TOP3A: variants seen among roughly 807,000 people sequenced by gnomAD.
TOP3A encodes the protein DNA topoisomerase III alpha.
TOP3A carries 64 observed loss-of-function variants against 111.3 expected under a neutral mutation model. That is an observed-to-expected ratio of 0.57 (90% CI 0.47 to 0.71). The LOEUF is 0.71. TOP3A is among the 30% of genes least tolerant of loss of function. TOP3A has a pLI of 0.00. For synonymous variants in TOP3A, 484 were observed against 485.1 expected (o/e 1.00, Z 0.03); for missense variants, 1,104 against 1,285.0 (o/e 0.86, Z 2.15).
At chr17:18,277,465 C>T (rs1238005587) in intron 18 of TOP3A, among the ~76,000 whole-genome samples, 1 of 152,238 alleles carries the variant, frequency 6.6e-6, no homozygotes, top group East Asian at 1.9e-4. Context: ...GACACCATTA[C>T]TGGTAGCTAC....
At chr17:18,275,487 G>A (rs1357647056) in intron 18 of TOP3A, among the ~76,000 whole-genome samples, 7 of 151,230 alleles carry the variant, frequency 4.6e-5, no homozygotes, top group Admixed American at 2.6e-4. Flanking sequence ...AGCCTCCCGA[G>A]TAGCTGGGAC....
intron 11 of TOP3A, 134 bp downstream of exon 11, chr17:18,292,511 G>T: frequency 1.1e-6 from 1 of 874,252 alleles, no homozygotes; most frequent in Non-Finnish European, 1.7e-6. Flanking sequence ...GCCAGGCAGA[G>T]GATTGTGAAA....
At chr17:18,288,149 A>ATATATATATATATATATAT (rs1301508954) in intron 13 of TOP3A, among the ~76,000 whole-genome samples, 19 of 121,876 alleles carry the variant, frequency 1.6e-4, no homozygotes, top group African/African-American at 4.0e-4. Context: ...ATATATATAT[A>ATATATATATATATATATAT]AATTTTTTTT....
At chr17:18,275,752 C>T (rs1293540585) in intron 18 of TOP3A, among the ~76,000 whole-genome samples, 1 of 151,282 alleles carries the variant, frequency 6.6e-6, no homozygotes, top group East Asian at 2.0e-4. Flanking sequence ...CTCCCGGGTT[C>T]ACGCCATTGT....
chr17:18,301,026 A>T (rs1981194494), intron 8 of TOP3A, among the ~76,000 whole-genome samples: 1 of 152,258 alleles, frequency 6.6e-6, no homozygotes, highest in African/African-American at 2.4e-5. Flanking sequence ...AAAACAACAC[A>T]TAACGAAGTG....
rs897556022 is a variant in TOP3A at position 18,301,951 on chromosome 17, G to T, written c.849C>A (p.Phe283Leu). 3.1e-6 allele frequency: 5 copies of T among 1,614,030 alleles called. No individual in the cohort carries two copies. The highest frequency in any genetic ancestry group is 4.2e-6 in the Non-Finnish European group (5 of 1,180,012). The change falls in exon 8 of 19, where the codon TTC becomes TTA. Residue 283 changes from phenylalanine (F) to leucine (L), a missense_variant. Physicochemically the swap from Phe to Leu is conservative, Grantham distance 22. Coordinates refer to ENST00000321105, the MANE Select transcript of TOP3A (RefSeq NM_004618.5). The part of the protein sequence containing the change: ...THDHKDGIVE[F>L]NWKRHRLFNH... ...TAAAGAGTCGATGCCTTTTCCAGTT[G>T]AATTCTACGATACCATCTTTGTGGT... is the stretch of plus-strand genomic sequence containing the variant.
rs1169252403 is a variant in TOP3A at position 18,305,235 on chromosome 17, G to GAT, written c.391-16_391-15insAT. ...TCCAAAGTTTTCTTAAGTTCGCAGT[G>GAT]GAATAAGAGTGGTGAGAACAGAATT... is the stretch of plus-strand genomic sequence containing the variant. On this transcript the variant is annotated splice_polypyrimidine_tract_variant and intron_variant, in intron 4 of 18. Transcript: ENST00000321105. 6.3e-7 allele frequency: 1 copy of GAT among 1,599,490 alleles called. No homozygotes were observed. The highest frequency in any genetic ancestry group is 1.1e-5 in the South Asian group (1 of 90,792).
intron 2 of TOP3A, 24 bp downstream of exon 2, chr17:18,308,858 T>C: frequency 6.8e-7 from 1 of 1,472,590 alleles, no homozygotes. Flanking sequence ...GATTGAAATA[T>C]TTTAGAAATA....
chr17:18,314,874 G>C lies in TOP3A; in HGVS notation c.-96C>G. On this transcript the variant is annotated 5_prime_UTR_variant, in exon 1 of 19. Transcript: ENST00000321105. ...AATGGCGCCCACCGAAAGGGAACCA[G>C]AGCCTCGCTTCGGTCACGTCCCCAC... The C allele has an allele frequency of 1.3e-6, 1 of 792,538 alleles. No homozygotes were observed. Among genetic ancestry groups the C allele is most frequent in the Non-Finnish European group, 1.8e-6 (1 of 548,420 alleles). The allele number at this position is 792,538 out of a possible 1,614,324, so 49.1% of individuals were successfully genotyped here. A position where few individuals can be genotyped will look rare whatever the true frequency, so the allele number is the denominator to read the frequency against.
At chr17:18,298,035 C>T (rs1199265422) in intron 9 of TOP3A, among the ~76,000 whole-genome samples, 29 of 150,856 alleles carry the variant, frequency 1.9e-4, no homozygotes, top group Non-Finnish European at 3.2e-4. Flanking sequence ...TCTGCCCGGC[C>T]GCCCATCGTC....
At chr17:18,285,583 T>A in intron 13 of TOP3A, 63 bp from the exon 14 acceptor site, 1 of 1,420,592 alleles carries the variant, frequency 7.0e-7, no homozygotes, top group Non-Finnish European at 9.8e-7. Flanking sequence ...GGGTGGCGCA[T>A]GGGCACCTTG....
Position 18,282,679 on chromosome 17 carries a change from C to A in TOP3A, c.2021+19G>T. ...AGGTGCTGGGGAGCAGAGGTGGGGG[C>A]AGAAGGCAGCGCACTCACCCGCCAT... On this transcript the variant is annotated intron_variant, in intron 16 of 18. Coordinates refer to ENST00000321105, the MANE Select transcript of TOP3A (RefSeq NM_004618.5). 1.2e-6 allele frequency: 2 copies of A among 1,612,476 alleles called. No individual in the cohort carries two copies. The highest frequency in any genetic ancestry group is 1.7e-6 in the Non-Finnish European group (2 of 1,179,794).
chr17:18,299,341 A>C (rs961953531), intron 9 of TOP3A, among the ~76,000 whole-genome samples: 1 of 152,168 alleles, frequency 6.6e-6, no homozygotes, highest in Non-Finnish European at 1.5e-5. Flanking sequence ...TGAGGTGGGA[A>C]GATCTCTTGA....
At chr17:18,282,576 G>T in intron 16 of TOP3A, 122 bp downstream of exon 16, 1 of 1,394,048 alleles carries the variant, frequency 7.2e-7, no homozygotes, top group Non-Finnish European at 9.9e-7. Flanking sequence ...CTTGCCTGCA[G>T]GTTGGCAACA....
Position 18,279,414 on chromosome 17 carries a change from G to T in TOP3A, c.2145-1057C>A, listed in dbSNP as rs1248418491. Among the ~76,000 whole-genome samples, 3 of 151,468 alleles carry T rather than the reference G, an allele frequency of 2.0e-5. No individual in the cohort carries two copies. In the East Asian group the frequency reaches 5.9e-4, roughly 30 times the overall value. ...TGGGACTACAGGCGCCCACCAGTAC[G>T]CCTGGCTGATTTTTTGTATTTTTAG... is the stretch of plus-strand genomic sequence containing the variant. On this transcript the variant is annotated intron_variant, in intron 17 of 18. Coordinates refer to ENST00000321105, the MANE Select transcript of TOP3A (RefSeq NM_004618.5).
chr17:18,288,551 C>T (rs1980269859), intron 13 of TOP3A, among the ~76,000 whole-genome samples: 1 of 152,188 alleles, frequency 6.6e-6, no homozygotes, highest in African/African-American at 2.4e-5. Context: ...GTACCACCAT[C>T]TAAGCCCTTC....
In TOP3A at chr17:18,308,879, T is replaced by TACC. The variant is rs1174755907; in HGVS notation, c.240_240+2dup. The stretch of plus-strand genomic sequence containing the variant: ...AATATTTTAGAAATATTTTAGCACC[T>TACC]ACCTGGCCATACAGATGATAATCAA... On this transcript the variant is annotated splice_region_variant and intron_variant, in intron 2 of 18. Transcript: ENST00000321105. 20 of 1,563,096 alleles carry TACC rather than the reference T, an allele frequency of 1.3e-5. No individual in the cohort carries two copies. Among genetic ancestry groups the TACC allele is most frequent in the Non-Finnish European group, 1.4e-5 (16 of 1,148,224 alleles).
chr17:18,308,792 C>T, intron 2 of TOP3A, 90 bp downstream of exon 2: 1 of 818,476 alleles, frequency 1.2e-6, no homozygotes, highest in Admixed American at 3.0e-5. Context: ...AGTTGTTATT[C>T]TTAAGACAGC....
intron 1 of TOP3A, among the ~76,000 whole-genome samples, chr17:18,310,681 T>A (rs1981857244): frequency 6.6e-6 from 1 of 152,122 alleles, no homozygotes; most frequent in Non-Finnish European, 1.5e-5. Flanking sequence ...AAAAAAAACC[T>A]TCTGGAACTA....
Sources: allele counts gnomAD v4.1 joint callset (sites outside exome capture counted in the v4.1 genomes callset), GRCh38; gene constraint gnomAD v4.1.1; transcripts MANE v1.5; gene names NCBI Gene and HGNC (gene_info 2026-07-23, HGNC 2026-07-21).